AP1B1: variants seen among roughly 807,000 people sequenced by gnomAD.
AP1B1 encodes AP-1 complex subunit beta-1.
Under a neutral mutation model 104.3 loss-of-function variants are expected in AP1B1, and 36 were observed. That is an observed-to-expected ratio of 0.35 (90% CI 0.26 to 0.46). The LOEUF (loss-of-function observed/expected upper bound fraction) is 0.46, where lower values mean the gene tolerates loss of function less well. AP1B1 is among the 20% of genes least tolerant of loss of function. The pLI, the probability that AP1B1 is intolerant of heterozygous loss-of-function variation, is 1.00. For missense variants in AP1B1, 901 were observed against 1,247.9 expected, an observed-to-expected ratio of 0.72 and a Z score of 4.19; for synonymous variants, 504 against 517.5, an observed-to-expected ratio of 0.97 and a Z score of 0.35.
chr22:29,379,266 T>C (rs957192485), intron 1 of AP1B1, among the ~76,000 whole-genome samples: 3 of 152,124 alleles, frequency 2.0e-5, no homozygotes, highest in Non-Finnish European at 2.9e-5. Flanking sequence ...GGCAGGAGAA[T>C]TGCTTGAACC....
chr22:29,384,825 G>A (rs376475382), intron 1 of AP1B1, among the ~76,000 whole-genome samples: 10 of 152,028 alleles, frequency 6.6e-5, no homozygotes, highest in Non-Finnish European at 1.0e-4. Flanking sequence ...CCAAGATCGC[G>A]CCACTGCACT....
chr22:29,339,487 G>C (rs965467997), intron 15 of AP1B1, among the ~76,000 whole-genome samples: 1 of 152,132 alleles, frequency 6.6e-6, no homozygotes, highest in Admixed American at 6.5e-5. Context: ...GAGAAGGGTT[G>C]TGGGACTGAG....
chr22:29,380,027 G>A (rs986724722), intron 1 of AP1B1, among the ~76,000 whole-genome samples: 16 of 152,208 alleles, frequency 1.1e-4, no homozygotes, highest in African/African-American at 3.1e-4. Context: ...GAGCAGACGA[G>A]GCTAGGGAAG....
intron 3 of AP1B1, 72 bp from the exon 4 acceptor site, chr22:29,360,031 TAGTGGGTGAGAGGAC>T: frequency 1.3e-6 from 2 of 1,536,504 alleles, no homozygotes; most frequent in Non-Finnish European, 1.8e-6. Flanking sequence ...GGCTGCTAAC[TAGTGGGTGAGAGGAC>T]AGTGGGTAGG....
intron 11 of AP1B1, among the ~76,000 whole-genome samples, chr22:29,349,010 G>A (rs1047247234): frequency 3.9e-5 from 6 of 152,130 alleles, no homozygotes; most frequent in East Asian, 1.9e-4. Flanking sequence ...TGCCTTCCAC[G>A]CACACCACCA....
chr22:29,388,128 G>A (rs1219162239), intron 1 of AP1B1, among the ~76,000 whole-genome samples: 4 of 152,242 alleles, frequency 2.6e-5, no homozygotes, highest in Non-Finnish European at 5.9e-5. Flanking sequence ...AGAGCCCGAA[G>A]AGTTTTCCCT....
At chr22:29,357,424 G>T (rs751303715) in intron 5 of AP1B1, among the ~76,000 whole-genome samples, 2 of 151,982 alleles carry the variant, frequency 1.3e-5, no homozygotes, top group Non-Finnish European at 2.9e-5. Flanking sequence ...GGAGTGTAGT[G>T]GTGCAATCTT....
chr22:29,343,542 C>T (rs1480239663), intron 11 of AP1B1, among the ~76,000 whole-genome samples: 2 of 152,282 alleles, frequency 1.3e-5, no homozygotes, highest in African/African-American at 2.4e-5. Context: ...CTTCCAGACT[C>T]TAGCCCTGCC....
At chr22:29,344,223 T>C (rs1158465689) in intron 11 of AP1B1, among the ~76,000 whole-genome samples, 1 of 152,182 alleles carries the variant, frequency 6.6e-6, no homozygotes, top group Non-Finnish European at 1.5e-5. Context: ...TTGAAAGAGT[T>C]CTTCCCAGTC....
intron 1 of AP1B1, among the ~76,000 whole-genome samples, chr22:29,378,552 C>CAAAAAA (rs145933767): frequency 2.5e-4 from 12 of 48,452 alleles, no homozygotes; most frequent in Admixed American, 2.9e-4. Flanking sequence ...AACTCCGTAT[C>CAAAAAA]AAAAAAAAAA....
At chr22:29,366,583 A>C (rs1162043221) in intron 2 of AP1B1, among the ~76,000 whole-genome samples, 7 of 152,106 alleles carry the variant, frequency 4.6e-5, no homozygotes, top group Admixed American at 2.6e-4. Flanking sequence ...AGCTGAGATC[A>C]GCGCCATTGC....
At chr22:29,366,895 G>A (rs2348464) in intron 2 of AP1B1, among the ~76,000 whole-genome samples, 1 of 151,276 alleles carries the variant, frequency 6.6e-6, no homozygotes, top group African/African-American at 2.4e-5. Flanking sequence ...TGCTGTGGGG[G>A]TGTTGATAGG....
intron 7 of AP1B1, among the ~76,000 whole-genome samples, chr22:29,353,189 AG>A (rs1181319781): frequency 6.6e-6 from 1 of 152,138 alleles, no homozygotes; most frequent in Non-Finnish European, 1.5e-5. Context: ...AAAAGATACG[AG>A]GACAGATGGT....
At chr22:29,378,340 T>C (rs545559811) in intron 1 of AP1B1, among the ~76,000 whole-genome samples, 10 of 152,042 alleles carry the variant, frequency 6.6e-5, no homozygotes, top group African/African-American at 2.4e-4. Context: ...ACAGATCTCT[T>C]GAGCGCAGGA....
chr22:29,334,863 C>T (rs1457106509), intron 16 of AP1B1, among the ~76,000 whole-genome samples: 1 of 152,216 alleles, frequency 6.6e-6, no homozygotes, highest in Non-Finnish European at 1.5e-5. Context: ...GCCTGTCCTC[C>T]CTTGCAGGAG....
At chr22:29,331,340 AT>A in intron 19 of AP1B1, 108 bp downstream of exon 19, 1 of 1,111,786 alleles carries the variant, frequency 9.0e-7, no homozygotes, top group South Asian at 1.3e-5. Flanking sequence ...CCCCGACTCC[AT>A]TTACGGGCAA....
chr22:29,342,962 A>G (rs2061736676), intron 11 of AP1B1, among the ~76,000 whole-genome samples: 1 of 150,808 alleles, frequency 6.6e-6, no homozygotes, highest in Non-Finnish European at 1.5e-5. Flanking sequence ...CCACCTCCAG[A>G]CCCCCCATGC....
At chr22:29,351,671 T>C (rs757613475) in intron 8 of AP1B1, 34 bp downstream of exon 8, 1 of 1,611,166 alleles carries the variant, frequency 6.2e-7, no homozygotes, top group Non-Finnish European at 8.5e-7. Flanking sequence ...GGTCCCACAC[T>C]GAGCCCGTGT....
At chr22:29,387,067 GAGA>G (rs1227196098) in intron 1 of AP1B1, among the ~76,000 whole-genome samples, 1 of 152,228 alleles carries the variant, frequency 6.6e-6, no homozygotes, top group Non-Finnish European at 1.5e-5. Context: ...CCACTCTGAA[GAGA>G]AGTTCTCGAC....
Sources: allele counts gnomAD v4.1 joint callset (sites outside exome capture counted in the v4.1 genomes callset), GRCh38; gene constraint gnomAD v4.1.1; transcripts MANE v1.5; gene names NCBI Gene and HGNC (gene_info 2026-07-23, HGNC 2026-07-21).